BICD2: variants seen among roughly 807,000 people sequenced by gnomAD.
BICD2 encodes protein bicaudal D homolog 2.
In BICD2, 25 loss-of-function variants were observed where a neutral mutation model predicts 72.9. That is an observed-to-expected ratio of 0.34 (90% CI 0.25 to 0.48). The LOEUF (loss-of-function observed/expected upper bound fraction) is 0.48, where lower values mean the gene tolerates loss of function less well. Among genes scored for constraint, BICD2 ranks in the 20% least tolerant of loss-of-function variants. The pLI is 0.99. For missense variants in BICD2, 894 were observed against 1,175.2 expected (o/e 0.76, Z 3.50); for synonymous variants, 501 against 516.1 (o/e 0.97, Z 0.40).
At position 92,725,511 on chromosome 9, in the gene BICD2, T is replaced by C. The variant is rs189805939; in HGVS notation, c.454-2703A>G. ...GCTGACTGGTCGCCATGGGGTTTAG[T>C]TTTCCCTCAAGTAAGCACCTTCTCC... On this transcript the variant is annotated intron_variant, in intron 2 of 6. Coordinates refer to ENST00000356884, the MANE Select transcript of BICD2 (RefSeq NM_001003800.2). 1.1e-3 allele frequency among the ~76,000 whole-genome samples: 162 copies of C among 152,352 alleles called. 2 individuals are homozygous for C. The highest frequency in any genetic ancestry group is 1.6e-4 in the Non-Finnish European group (11 of 68,030).
chr9:92,716,811 T>C (rs1185034234), intron 6 of BICD2, among the ~76,000 whole-genome samples: 2 of 152,084 alleles, frequency 1.3e-5, no homozygotes, highest in Non-Finnish European at 2.9e-5. Context: ...AGCCTTGGGG[T>C]CTGAGTCCCA....
At position 92,714,451 on chromosome 9, in the gene BICD2, A is replaced by G. The variant is rs1454266524; in HGVS notation, c.*703T>C. On this transcript the variant is annotated 3_prime_UTR_variant, in exon 7 of 7. Coordinates refer to ENST00000356884, the MANE Select transcript of BICD2 (RefSeq NM_001003800.2). ...CCAATCTGTCACCTCACAGGCCACT[A>G]TACAAGCATCCTGATCTCAGAAATG... The G allele has an allele frequency of 1.0e-6, 1 of 985,498 alleles. No homozygotes were observed. Among genetic ancestry groups the G allele is most frequent in the Non-Finnish European group, 1.2e-6 (1 of 829,958 alleles). 61.0% of individuals were successfully genotyped at this position (985,498 alleles called of 1,614,324 possible).
Position 92,720,174 on chromosome 9 carries a change from A to C in BICD2, c.1062+126T>G. ...GGAGTTCCATTTACCGTAATGATGC[A>C]GGAGATAAAATCAACGTAAGGAAAA... On this transcript the variant is annotated intron_variant, in intron 4 of 6. Coordinates refer to ENST00000356884, the MANE Select transcript of BICD2 (RefSeq NM_001003800.2). This position sits in a 1 kb window ranked among gnomAD's most constrained non-coding sequence, Gnocchi z 5.4. 1.0e-6 allele frequency: 1 copy of C among 980,162 alleles called. No individual in the cohort carries two copies. The highest frequency in any genetic ancestry group is 1.5e-6 in the Non-Finnish European group (1 of 682,672). 60.7% of individuals were successfully genotyped at this position (980,162 alleles called of 1,614,324 possible). A position where few individuals can be genotyped will look rare whatever the true frequency, so the allele number is the denominator to read the frequency against.
intron 2 of BICD2, 102 bp downstream of exon 2, chr9:92,728,921 TC>T: frequency 8.6e-6 from 11 of 1,279,268 alleles, no homozygotes; most frequent in Non-Finnish European, 1.1e-5. Flanking sequence ...AGCTGCAGCG[TC>T]CCCAGAGGCC....
intron 6 of BICD2, 90 bp from the exon 7 acceptor site, chr9:92,715,553 C>G: frequency 1.5e-6 from 2 of 1,299,794 alleles, no homozygotes; most frequent in Non-Finnish European, 1.1e-6. Context: ...GGCCCTCTGA[C>G]AGCCCTATAC....
chr9:92,740,341 G>A (rs1018396187), intron 1 of BICD2, among the ~76,000 whole-genome samples: 2 of 152,112 alleles, frequency 1.3e-5, no homozygotes, highest in Non-Finnish European at 2.9e-5. Flanking sequence ...ATCTGAAACT[G>A]TTCTAAAAAA....
chr9:92,754,445 A>C (rs547785922), intron 1 of BICD2, among the ~76,000 whole-genome samples: 1 of 152,358 alleles, frequency 6.6e-6, no homozygotes, highest in African/African-American at 2.4e-5. Context: ...TCATATATCA[A>C]TCAGTCTGGA....
chr9:92,719,112 G>A lies in BICD2; in HGVS notation c.1533C>T (p.Asp511=), dbSNP rs773725679. ...GGCTGCCCTGTGTCTCGCCGGCGAC[G>A]TCGCTCACCTTCTTTAGCTCCTTCT... ...RLEKELKKVS[D]VAGETQGSLS... The change falls in exon 5 of 7, where the codon GAC becomes GAT. Residue 511 remains aspartate (D), a synonymous_variant. Coordinates refer to ENST00000356884, the MANE Select transcript of BICD2 (RefSeq NM_001003800.2). 1.2e-5 allele frequency: 19 copies of A among 1,612,528 alleles called. No homozygotes were observed. Among genetic ancestry groups the A allele is most frequent in the Non-Finnish European group, 1.3e-5 (15 of 1,179,994 alleles).
chr9:92,733,983 A>C (rs1853727194), intron 1 of BICD2, among the ~76,000 whole-genome samples: 1 of 152,132 alleles, frequency 6.6e-6, no homozygotes, highest in African/African-American at 2.4e-5. Context: ...AAAAAAGCTC[A>C]AACCAGAGTT....
chr9:92,733,937 A>T (rs1330507015), intron 1 of BICD2, among the ~76,000 whole-genome samples: 2 of 152,176 alleles, frequency 1.3e-5, no homozygotes, highest in African/African-American at 2.4e-5. Context: ...ACTGCACTCC[A>T]GCCTGGGCAA....
intron 1 of BICD2, among the ~76,000 whole-genome samples, chr9:92,739,397 C>G (rs545420499): frequency 4.6e-5 from 7 of 152,356 alleles, no homozygotes; most frequent in African/African-American, 1.7e-4. Flanking sequence ...TCCTCCCATC[C>G]TGGGGAATCA....
At chr9:92,753,084 T>TC (rs775875137) in intron 1 of BICD2, among the ~76,000 whole-genome samples, 7 of 152,052 alleles carry the variant, frequency 4.6e-5, no homozygotes, top group African/African-American at 7.2e-5. Flanking sequence ...GTGATCTTCC[T>TC]CCCCCAAACC....
At position 92,720,095 on chromosome 9, in the gene BICD2, G is replaced by A. The variant is rs939611108; in HGVS notation, c.1062+205C>T. Among the ~76,000 whole-genome samples, 15 of 152,224 alleles carry A rather than the reference G, an allele frequency of 9.9e-5. No individual in the cohort carries two copies. Among genetic ancestry groups the A allele is most frequent in the African/African-American group, 3.6e-4 (15 of 41,458 alleles). ...CACGTAGTTAACAGGGGAGCAATGT[G>A]GGTGCTGCAGTGCCAGGAAACCACT... On this transcript the variant is annotated intron_variant, in intron 4 of 6. Transcript: ENST00000356884. The surrounding 1 kb of genome is among the most constrained non-coding windows in gnomAD (Gnocchi z 5.4).
At position 92,713,957 on chromosome 9, in the gene BICD2, G is replaced by C; in HGVS notation, c.*1197C>G. 1 of 989,634 alleles carries C rather than the reference G, an allele frequency of 1.0e-6. No homozygotes were observed. Among genetic ancestry groups the C allele is most frequent in the Non-Finnish European group, 1.2e-6 (1 of 832,400 alleles). 61.3% of individuals were successfully genotyped at this position (989,634 alleles called of 1,614,324 possible). On this transcript the variant is annotated 3_prime_UTR_variant, in exon 7 of 7. Transcript: ENST00000356884. ...AGAGAAGACTGCAGCCTCAGGTCCA[G>C]CTGGTCCCACAGGGTGATCGGGAAA... is the stretch of plus-strand genomic sequence containing the variant.
Position 92,713,682 on chromosome 9 carries a change from G to C in BICD2, c.*1472C>G. The C allele has an allele frequency of 3.5e-6, 5 of 1,416,846 alleles. No individual in the cohort carries two copies. Among genetic ancestry groups the C allele is most frequent in the Non-Finnish European group, 4.6e-6 (5 of 1,082,164 alleles). 87.8% of individuals were successfully genotyped at this position (1,416,846 alleles called of 1,614,324 possible). On this transcript the variant is annotated 3_prime_UTR_variant, in exon 7 of 7. Coordinates refer to ENST00000356884, the MANE Select transcript of BICD2 (RefSeq NM_001003800.2). ...GCCAGGCTTGCAAGGAGAGGGCAAA[G>C]CGCATGCAGGGTGGGCATGCCAGCA... is the stretch of plus-strand genomic sequence containing the variant.
At position 92,718,659 on chromosome 9, in the gene BICD2, G is replaced by A. The variant is rs1853379618; in HGVS notation, c.1986C>T (p.Gly662=). The change falls in exon 5 of 7, where the codon GGC becomes GGT. Residue 662 remains glycine, a synonymous_variant. Transcript: ENST00000356884. ...SRQRIASQEL[G]PAVDKDKEAL... ...CTTCCTTGTCCTTGTCCACGGCGGG[G>A]CCCAGCTCCTGAGAGGCAATGCGCT... The A allele has an allele frequency of 1.2e-6, 2 of 1,613,978 alleles. No individual in the cohort carries two copies. Among genetic ancestry groups the A allele is most frequent in the Non-Finnish European group, 1.7e-6 (2 of 1,180,014 alleles).
At chr9:92,754,439 A>G (rs1374967652) in intron 1 of BICD2, among the ~76,000 whole-genome samples, 2 of 152,254 alleles carry the variant, frequency 1.3e-5, no homozygotes, top group Admixed American at 6.5e-5. Context: ...GTTCCCTCAT[A>G]TATCAATCAG....
rs1489946146 is a variant in BICD2 at position 92,713,218 on chromosome 9, C to T, written c.*1936G>A. ...CTGGCAGCCAGGGAAGAAGGGTCTT[C>T]GGCCCATACAGAGGCCTTTCCACGC... On this transcript the variant is annotated 3_prime_UTR_variant, in exon 7 of 7. Coordinates refer to ENST00000356884, the MANE Select transcript of BICD2 (RefSeq NM_001003800.2). 3 of 538,960 alleles carry T rather than the reference C, an allele frequency of 5.6e-6. No individual in the cohort carries two copies. The highest frequency in any genetic ancestry group is 3.8e-5 in the African/African-American group (2 of 52,662). The allele number at this position is 538,960 out of a possible 1,614,324, so 33.4% of individuals were successfully genotyped here. A position where few individuals can be genotyped will look rare whatever the true frequency, so the allele number is the denominator to read the frequency against.
intron 1 of BICD2, among the ~76,000 whole-genome samples, chr9:92,751,806 A>AT (rs200906851): frequency 0.18 from 25,563 of 140,956 alleles, 3,278 homozygotes; most frequent in East Asian, 0.72. Context: ...CACTAACTGC[A>AT]TTTTTTTTTT....
Sources: gnomAD v4.1 joint callset for allele counts (sites outside exome capture counted in the v4.1 genomes callset) on GRCh38, gnomAD v4.1.1 for gene constraint, Gnocchi (gnomAD v3.1) non-coding constraint, MANE v1.5 for transcripts, NCBI Gene and HGNC (gene_info 2026-07-23, HGNC 2026-07-21) for gene names.